The following IGF1R variants were observed in gnomAD, a reference collection of about 807,000 sequenced individuals.
The protein encoded by IGF1R is insulin-like growth factor 1 receptor.
IGF1R carries 44 observed loss-of-function variants against 144.6 expected under a neutral mutation model. The ratio of observed to expected loss-of-function variants is 0.30; its 90% confidence interval spans 0.24 to 0.39. The LOEUF is 0.39. IGF1R is among the 10% of genes least tolerant of loss of function. The probability of loss-of-function intolerance (pLI) is 1.00; values close to 1 mark genes in which losing one functional copy is unlikely to be tolerated. For missense variants in IGF1R, 1,355 were observed against 1,833.7 expected (o/e 0.74, Z 4.77); for synonymous variants, 795 against 722.8 (o/e 1.10, Z -1.60).
chr15:98,690,613 C>G (rs1326200858), intron 1 of IGF1R, among the ~76,000 whole-genome samples: 1 of 152,102 alleles, frequency 6.6e-6, no homozygotes, highest in Non-Finnish European at 1.5e-5. Flanking sequence ...TTTAAGTATA[C>G]AATTAATATG....
chr15:98,938,038 C>T (rs1380278679), intron 17 of IGF1R, among the ~76,000 whole-genome samples: 1 of 152,194 alleles, frequency 6.6e-6, no homozygotes, highest in African/African-American at 2.4e-5. Context: ...TGTAGAGAAC[C>T]AACCCAGAAG....
chr15:98,717,310 T>A (rs2054141094), intron 2 of IGF1R, among the ~76,000 whole-genome samples: 2 of 147,262 alleles, frequency 1.4e-5, no homozygotes, highest in African/African-American at 2.6e-5. Flanking sequence ...ACATAGGTTT[T>A]TGGTAAATGG....
chr15:98,775,192 C>G (rs981796913), intron 2 of IGF1R, among the ~76,000 whole-genome samples: 6 of 152,320 alleles, frequency 3.9e-5, no homozygotes, highest in Admixed American at 3.9e-4. Context: ...AGGCCAAGTC[C>G]TCCCTGCTGT....
Position 98,962,768 on chromosome 15 carries a change from C to CA in IGF1R, c.*5327dup, listed in dbSNP as rs1401845968. 4.3e-6 allele frequency: 1 copy of CA among 233,404 alleles called. No individual in the cohort carries two copies. The highest frequency in any genetic ancestry group is 8.5e-6 in the Non-Finnish European group (1 of 118,058). The allele number at this position is 233,404 out of a possible 1,614,324, so 14.5% of individuals were successfully genotyped here. On this transcript the variant is annotated 3_prime_UTR_variant, in exon 21 of 21. Transcript: ENST00000650285. ...GAAGCTATCAGACCACATCGAGGCT[C>CA]AGCAGTCATCCGTGGGCATTTGGTT...
intron 3 of IGF1R, among the ~76,000 whole-genome samples, chr15:98,896,048 C>T (rs375308786): frequency 1.3e-5 from 2 of 151,738 alleles, no homozygotes; most frequent in South Asian, 2.1e-4. Flanking sequence ...CTTGGTGGTT[C>T]GTGGCATGTT....
At chr15:98,852,299 C>T (rs1281415438) in intron 2 of IGF1R, among the ~76,000 whole-genome samples, 1 of 152,126 alleles carries the variant, frequency 6.6e-6, no homozygotes, top group Non-Finnish European at 1.5e-5. Flanking sequence ...TTGTCTGGCG[C>T]GCGCGCCCCA....
rs143193096 is a variant in IGF1R, at chr15:98,916,098, G to C, written c.1963G>C (p.Gly655Arg). The change falls in exon 9 of 21, where the codon GGC (glycine) becomes CGC (arginine). Residue 655 changes from glycine to arginine, a missense_variant. By Grantham distance (125) the Gly-to-Arg change is moderately radical. This residue lies in a region of IGF1R where 880 missense variants were observed against 1,202.7 expected (regional missense o/e 0.73). Transcript: ENST00000650285. The stretch of plus-strand genomic sequence containing the variant: ...GCGCTGGCAGCGGCAGCCTCAGGAC[G>C]GCTACCTTTACCGGCACAATTACTG... ...IVRWQRQPQDGYLYRHNYCSK... is the reference protein window; with the variant it reads ...IVRWQRQPQDRYLYRHNYCSK... The C allele has an allele frequency of 1.9e-6, 3 of 1,614,142 alleles. No individual in the cohort carries two copies. Among genetic ancestry groups the C allele is most frequent in the African/African-American group, 1.3e-5 (1 of 75,020 alleles).
chr15:98,750,686 C>G (rs2054988965), intron 2 of IGF1R, among the ~76,000 whole-genome samples: 1 of 152,148 alleles, frequency 6.6e-6, no homozygotes, highest in Non-Finnish European at 1.5e-5. Flanking sequence ...TAAAACTATT[C>G]AGGGTTAAAA....
Position 98,957,699 on chromosome 15 carries a change from A to G in IGF1R, c.*257A>G, listed in dbSNP as rs968365498. The G allele has an allele frequency of 1.8e-6, 1 of 570,162 alleles. No individual in the cohort carries two copies. The highest frequency in any genetic ancestry group is 3.1e-5 in the Admixed American group (1 of 32,368). The allele number at this position is 570,162 out of a possible 1,614,324, so 35.3% of individuals were successfully genotyped here. The stretch of plus-strand genomic sequence containing the variant: ...TGGGCCTTTAAGAACCTTAATGACA[A>G]CACTTAATAGCAACAGAGCACTTGA... On this transcript the variant is annotated 3_prime_UTR_variant, in exon 21 of 21. Transcript: ENST00000650285.
chr15:98,960,659 T>C lies in IGF1R; in HGVS notation c.*3217T>C, dbSNP rs752136361. The C allele has an allele frequency of 1.3e-5, 3 of 233,364 alleles. No homozygotes were observed. Among genetic ancestry groups the C allele is most frequent in the Admixed American group, 5.6e-5 (1 of 17,808 alleles). The allele number at this position is 233,364 out of a possible 1,614,324, so 14.5% of individuals were successfully genotyped here. On this transcript the variant is annotated 3_prime_UTR_variant, in exon 21 of 21. Transcript: ENST00000650285. ...CGTGCGGCCATGGCTGCTGCATTCA[T>C]TGAGCACAAAGGTGCAGCTGCAGCA...
At chr15:98,772,305 A>G (rs2055605285) in intron 2 of IGF1R, among the ~76,000 whole-genome samples, 1 of 151,940 alleles carries the variant, frequency 6.6e-6, no homozygotes, top group African/African-American at 2.4e-5. Context: ...GGAAAAGAGG[A>G]ATTTTTTGAA....
chr15:98,681,224 G>T (rs2053181468), intron 1 of IGF1R, among the ~76,000 whole-genome samples: 1 of 152,140 alleles, frequency 6.6e-6, no homozygotes, highest in Non-Finnish European at 1.5e-5. Context: ...AGTCTGCTTT[G>T]CTGATCGATT....
intron 20 of IGF1R, among the ~76,000 whole-genome samples, chr15:98,956,355 G>A (rs1237985360): frequency 2.6e-5 from 4 of 152,222 alleles, no homozygotes; most frequent in African/African-American, 9.6e-5. Flanking sequence ...TGGCTTGTTG[G>A]AATCTGGCTT....
At chr15:98,801,778 C>T (rs867241377) in intron 2 of IGF1R, among the ~76,000 whole-genome samples, 2 of 152,196 alleles carry the variant, frequency 1.3e-5, no homozygotes, top group South Asian at 2.1e-4. Context: ...AGAACAGAGA[C>T]GACCACACTG....
chr15:98,865,298 T>G (rs1409678754), intron 2 of IGF1R, among the ~76,000 whole-genome samples: 1 of 152,238 alleles, frequency 6.6e-6, no homozygotes, highest in Non-Finnish European at 1.5e-5. Context: ...GAGTATTACT[T>G]ACAGACCCCA....
At chr15:98,787,116 C>A (rs914174677) in intron 2 of IGF1R, among the ~76,000 whole-genome samples, 1 of 152,146 alleles carries the variant, frequency 6.6e-6, no homozygotes, top group Non-Finnish European at 1.5e-5. Context: ...GGGACTCGGG[C>A]AAGGGAGTTG....
At chr15:98,890,045 C>T (rs575657198) in intron 2 of IGF1R, among the ~76,000 whole-genome samples, 11 of 152,188 alleles carry the variant, frequency 7.2e-5, no homozygotes, top group Non-Finnish European at 1.5e-4. Flanking sequence ...TTGGGATGTA[C>T]ACCATGGATC....
intron 1 of IGF1R, among the ~76,000 whole-genome samples, chr15:98,669,557 A>T (rs1292943665): frequency 2.0e-5 from 3 of 152,162 alleles, no homozygotes; most frequent in Admixed American, 2.0e-4. Context: ...TGAGGGTTAG[A>T]TATCTGGACA....
chr15:98,745,292 G>C (rs2054836980), intron 2 of IGF1R, among the ~76,000 whole-genome samples: 1 of 152,210 alleles, frequency 6.6e-6, no homozygotes, highest in South Asian at 2.1e-4. Context: ...AATGACACCA[G>C]TTATTCTTTC....
Sources: allele counts gnomAD v4.1 joint callset (sites outside exome capture counted in the v4.1 genomes callset), GRCh38; gene constraint gnomAD v4.1.1; regional missense constraint gnomAD v4.1.1; transcripts MANE v1.5; gene names NCBI Gene and HGNC (gene_info 2026-07-23, HGNC 2026-07-21).